PHF19: variants seen among roughly 807,000 people sequenced by gnomAD.
The protein encoded by PHF19 is polycomb like 3.
In PHF19, 21 loss-of-function variants were observed where a neutral mutation model predicts 79.8. The observed-to-expected ratio is 0.26, with a 90% confidence interval of 0.19 to 0.38. PHF19 has a LOEUF of 0.38. Among genes scored for constraint, PHF19 ranks in the 10% least tolerant of loss-of-function variants. The pLI is 1.00. For synonymous variants in PHF19, 273 were observed against 296.3 expected (o/e 0.92, Z 0.81); for missense variants, 445 against 744.2 (o/e 0.60, Z 4.68).
Position 120,858,157 on chromosome 9 carries a change from G to A in PHF19, c.1530C>T (p.Pro510=), listed in dbSNP as rs535151678. 1.1e-5 allele frequency: 17 copies of A among 1,613,004 alleles called. No individual in the cohort carries two copies. Among genetic ancestry groups the A allele is most frequent in the Admixed American group, 6.7e-5 (4 of 59,942 alleles). ...TGTCAATGCCTTCGTCTGGCCGCTC[G>A]GGGACTGAAGCCCCCTCTGCACTGC... ...SDSSAEGASV[P]ERPDEGIDSH... is the part of the protein sequence containing the mutation. The change falls in exon 15 of 15, where the codon CCC becomes CCT. Residue 510 remains proline (P), a synonymous_variant. Transcript: ENST00000373896.
chr9:120,888,971 G>A (rs1274988966), intron 1 of PHF19, among the ~76,000 whole-genome samples: 1 of 152,172 alleles, frequency 6.6e-6, no homozygotes, highest in Non-Finnish European at 1.5e-5. Flanking sequence ...AGCTCCACTA[G>A]GATTTCACAG....
upstream of PHF19, among the ~76,000 whole-genome samples, chr9:120,880,618 C>T (rs974414721): frequency 6.6e-6 from 1 of 152,198 alleles, no homozygotes; most frequent in African/African-American, 2.4e-5. Flanking sequence ...AAAAAACTAA[C>T]ATCAAGTTGT....
chr9:120,898,013 C>A (rs1463718761), upstream of PHF19, among the ~76,000 whole-genome samples: 3 of 149,644 alleles, frequency 2.0e-5, no homozygotes, highest in Non-Finnish European at 4.5e-5. Flanking sequence ...ATATTAAATT[C>A]TCTTTCTGAT....
At position 120,866,716 on chromosome 9, in the gene PHF19, C is replaced by A. The variant is rs2045713217; in HGVS notation, c.710+154G>T. 6.6e-6 allele frequency among the ~76,000 whole-genome samples: 1 copy of A among 152,216 alleles called. No individual in the cohort carries two copies. Among genetic ancestry groups the A allele is most frequent in the Non-Finnish European group, 1.5e-5 (1 of 68,026 alleles). On this transcript the variant is annotated intron_variant, in intron 7 of 14. Coordinates refer to ENST00000373896, the MANE Select transcript of PHF19 (RefSeq NM_015651.3). The surrounding 1 kb of genome is among the most constrained non-coding windows in gnomAD (Gnocchi z 5.2). Reference sequence around the variant, plus strand: ...TGGCCCTGCATAGCTAGGGGATCCCCTACCTTGAGCTGCCTCCAGTAAACA... The same window carrying A: ...TGGCCCTGCATAGCTAGGGGATCCCATACCTTGAGCTGCCTCCAGTAAACA...
At position 120,870,400 on chromosome 9, in the gene PHF19, C is replaced by T. The variant is rs536365216; in HGVS notation, c.364+43G>A. The T allele has an allele frequency of 3.2e-6, 4 of 1,244,668 alleles. No individual in the cohort carries two copies. Among genetic ancestry groups the T allele is most frequent in the Admixed American group, 1.7e-5 (1 of 59,034 alleles). The allele number at this position is 1,244,668 out of a possible 1,614,324, so 77.1% of individuals were successfully genotyped here. A position where few individuals can be genotyped will look rare whatever the true frequency, so the allele number is the denominator to read the frequency against. ...CCGTCAGGGGCCAGTGCGTGGGGAC[C>T]TATAGGTCGGGGCCTTCTCAGGGCC... is the stretch of plus-strand genomic sequence containing the variant. On this transcript the variant is annotated intron_variant, in intron 4 of 14. Coordinates refer to ENST00000373896, the MANE Select transcript of PHF19 (RefSeq NM_015651.3). This position sits in a 1 kb window ranked among gnomAD's most constrained non-coding sequence, Gnocchi z 4.4.
intron 14 of PHF19, among the ~76,000 whole-genome samples, chr9:120,858,811 TCACACACACACACACACA>T (rs56042039): frequency 5.7e-5 from 7 of 122,892 alleles, no homozygotes; most frequent in East Asian, 2.4e-4. Context: ...CTGACAGACA[TCACACACACACACACACA>T]CACACACACA....
chr9:120,901,351 C>T, the PHF19 span, among the ~76,000 whole-genome samples: 7 of 152,124 alleles, frequency 4.6e-5, no homozygotes, highest in African/African-American at 1.7e-4. Flanking sequence ...TGCCACCATG[C>T]CCAGCTATTT....
intron 1 of PHF19, among the ~76,000 whole-genome samples, chr9:120,884,751 A>C (rs1016995318): frequency 1.5e-4 from 15 of 101,778 alleles, no homozygotes; most frequent in African/African-American, 5.3e-4. Context: ...CTACCAAAAA[A>C]TACAAAAAAA....
chr9:120,862,513 G>A lies in PHF19; in HGVS notation c.1130+75C>T, dbSNP rs1274553389. ...TACAGCTGGGACTGGCTGGGTGCAG[G>A]TCCTCCTTGCTTGCTTGGAAGCAGA... is the stretch of plus-strand genomic sequence containing the variant. On this transcript the variant is annotated intron_variant, in intron 11 of 14. Coordinates refer to ENST00000373896, the MANE Select transcript of PHF19 (RefSeq NM_015651.3). The surrounding 1 kb of genome is among the most constrained non-coding windows in gnomAD (Gnocchi z 4.6). 1.5e-6 allele frequency: 2 copies of A among 1,350,376 alleles called. No homozygotes were observed. Among genetic ancestry groups the A allele is most frequent in the African/African-American group, 2.9e-5 (2 of 69,596 alleles). 83.6% of individuals were successfully genotyped at this position (1,350,376 alleles called of 1,614,324 possible).
intron 13 of PHF19, 82 bp downstream of exon 13, chr9:120,861,007 C>T: frequency 1.2e-6 from 1 of 840,426 alleles, no homozygotes; most frequent in Non-Finnish European, 2.1e-6. Context: ...AGCAGGGATC[C>T]TTTTAACTGA....
Position 120,862,340 on chromosome 9 carries a change from C to T in PHF19, c.1130+248G>A, listed in dbSNP as rs1460538441. On this transcript the variant is annotated intron_variant, in intron 11 of 14. Coordinates refer to ENST00000373896, the MANE Select transcript of PHF19 (RefSeq NM_015651.3). The surrounding 1 kb of genome is among the most constrained non-coding windows in gnomAD (Gnocchi z 4.6). The stretch of plus-strand genomic sequence containing the variant: ...ACACACCCTGCCTTCCCCTTCACCT[C>T]CTTGCCCAAGTCCTAATCCAGCAAG... 7.9e-5 allele frequency among the ~76,000 whole-genome samples: 12 copies of T among 152,236 alleles called. No homozygotes were observed. Among genetic ancestry groups the T allele is most frequent in the Non-Finnish European group, 1.5e-4 (10 of 68,040 alleles).
At chr9:120,880,580 G>A (rs1373563799), upstream of PHF19, among the ~76,000 whole-genome samples, 1 of 152,202 alleles carries the variant, frequency 6.6e-6, no homozygotes, top group East Asian at 1.9e-4. Flanking sequence ...AACTAAGTCT[G>A]CAGCCTCAAC....
chr9:120,891,999 T>C lies in PHF19; in HGVS notation c.42+2789A>G, dbSNP rs1287101993. 6.6e-6 allele frequency among the ~76,000 whole-genome samples: 1 copy of C among 152,200 alleles called. No individual in the cohort carries two copies. Among genetic ancestry groups the C allele is most frequent in the African/African-American group, 2.4e-5 (1 of 41,450 alleles). ...GCAAAGAAAGGCCTCCAGGGGACCATGCGGGGACTGGAAAACGACTGGCTC... is the reference window on the plus strand; with the variant it reads ...GCAAAGAAAGGCCTCCAGGGGACCACGCGGGGACTGGAAAACGACTGGCTC... On this transcript the variant is annotated intron_variant, in intron 1 of 14. Coordinates refer to the PHF19 transcript ENST00000616568. The surrounding 1 kb of genome is among the most constrained non-coding windows in gnomAD (Gnocchi z 4.3).
upstream of PHF19, chr9:120,877,400 C>T: frequency 1.0e-6 from 1 of 975,202 alleles, no homozygotes; most frequent in Non-Finnish European, 1.2e-6. Context: ...GCCATTGGAG[C>T]CCGCGGCCGC....
chr9:120,862,142 G>C lies in PHF19; in HGVS notation c.1131-137C>G, dbSNP rs978499689. 3 of 715,300 alleles carry C rather than the reference G, an allele frequency of 4.2e-6. No homozygotes were observed. The African/African-American group carries it at 5.3e-5, about 13-fold the overall frequency. 44.3% of individuals were successfully genotyped at this position (715,300 alleles called of 1,614,324 possible). A position where few individuals can be genotyped will look rare whatever the true frequency, so the allele number is the denominator to read the frequency against. On this transcript the variant is annotated intron_variant, in intron 11 of 14. Coordinates refer to ENST00000373896, the MANE Select transcript of PHF19 (RefSeq NM_015651.3). The surrounding 1 kb of genome is among the most constrained non-coding windows in gnomAD (Gnocchi z 4.6). ...CTGAACACAGCTGCACCTTCACAGG[G>C]AGGCCTGGGGAGGAGGGAGAGTCCT...
chr9:120,871,761 C>T (rs889847185), intron 3 of PHF19, among the ~76,000 whole-genome samples: 49 of 152,078 alleles, frequency 3.2e-4, no homozygotes, highest in African/African-American at 1.1e-3. Flanking sequence ...TCTCTTCGGC[C>T]GGGCGCAGTG....
chr9:120,892,993 A>C (rs944041936), intron 1 of PHF19, among the ~76,000 whole-genome samples: 20 of 152,224 alleles, frequency 1.3e-4, no homozygotes, highest in Admixed American at 1.0e-3. Flanking sequence ...ACCTTAGCCA[A>C]GCTGACTAAC....
At position 120,870,877 on chromosome 9, in the gene PHF19, T is replaced by C. The variant is rs2045875847; in HGVS notation, c.269-339A>G. Among the ~76,000 whole-genome samples the C allele has an allele frequency of 6.6e-6, 1 of 152,210 alleles. No individual in the cohort carries two copies. Among genetic ancestry groups the C allele is most frequent in the South Asian group, 2.1e-4 (1 of 4,834 alleles). On this transcript the variant is annotated intron_variant, in intron 3 of 14. Transcript: ENST00000373896. The surrounding 1 kb of genome is among the most constrained non-coding windows in gnomAD (Gnocchi z 4.4). Reference sequence around the variant, plus strand: ...TTGTTTTGTTAAATGGTTGTTATTTTCTTAAAACTTTATTATGGGATAATA... The same window carrying C: ...TTGTTTTGTTAAATGGTTGTTATTTCCTTAAAACTTTATTATGGGATAATA...
Position 120,891,361 on chromosome 9 carries a change from A to G in PHF19, c.42+3427T>C, listed in dbSNP as rs978263506. Among the ~76,000 whole-genome samples, 7 of 151,870 alleles carry G rather than the reference A, an allele frequency of 4.6e-5. No homozygotes were observed. Among genetic ancestry groups the G allele is most frequent in the Non-Finnish European group, 8.8e-5 (6 of 68,000 alleles). On this transcript the variant is annotated intron_variant, in intron 1 of 14. Coordinates refer to the PHF19 transcript ENST00000616568. The surrounding 1 kb of genome is among the most constrained non-coding windows in gnomAD (Gnocchi z 4.3). ...ATATCTAGAGAAGGTATTGGCCTAG[A>G]GAACCTTGCTCAATCTTAAGCCCGC...
Sources: allele counts gnomAD v4.1 joint callset (sites outside exome capture counted in the v4.1 genomes callset), GRCh38; gene constraint gnomAD v4.1.1; non-coding constraint Gnocchi (gnomAD v3.1); transcripts MANE v1.5; gene names NCBI Gene and HGNC (gene_info 2026-07-23, HGNC 2026-07-21).